ATP9B: variants seen among roughly 807,000 people sequenced by gnomAD.
ATP9B encodes the protein ATPase phospholipid transporting 9B.
Under a neutral mutation model 146.1 loss-of-function variants are expected in ATP9B, and 110 were observed. The observed-to-expected ratio is 0.75, with a 90% CI of 0.65 to 0.88. ATP9B has a LOEUF of 0.88. Among genes scored for constraint, ATP9B ranks in the 40% least tolerant of loss-of-function variants. ATP9B has a pLI of 0.00. For synonymous variants in ATP9B, 604 were observed against 569.7 expected (o/e 1.06, Z -0.86); for missense variants, 1,499 against 1,496.4 (o/e 1.00, Z -0.03).
intron 17 of ATP9B, among the ~76,000 whole-genome samples, chr18:79,334,790 C>T (rs549318970): frequency 1.9e-3 from 294 of 152,018 alleles, no homozygotes; most frequent in African/African-American, 6.6e-3. Context: ...CCCACCCCCC[C>T]CTTGTGCCGG....
chr18:79,140,199 A>G (rs2094496772), intron 5 of ATP9B, among the ~76,000 whole-genome samples: 1 of 152,286 alleles, frequency 6.6e-6, no homozygotes, highest in South Asian at 2.1e-4. Flanking sequence ...CCGGTGAGGT[A>G]GAGCAGGGGC....
chr18:79,327,765 T>C (rs62096807), intron 15 of ATP9B, among the ~76,000 whole-genome samples: 26,439 of 55,046 alleles, frequency 0.48, 8,208 homozygotes, highest in East Asian at 0.71. Flanking sequence ...GCGTGCTCTC[T>C]GTGGTTAACG....
At chr18:79,116,940 T>TAAAAAAAA (rs377608135) in intron 4 of ATP9B, among the ~76,000 whole-genome samples, 17 of 106,770 alleles carry the variant, frequency 1.6e-4, no homozygotes, top group East Asian at 3.3e-4. Context: ...AAAAAAAAAT[T>TAAAAAAAA]AAAAAAAAAA....
At chr18:79,222,613 A>T (rs1366153256) in intron 11 of ATP9B, among the ~76,000 whole-genome samples, 1 of 152,200 alleles carries the variant, frequency 6.6e-6, no homozygotes, top group African/African-American at 2.4e-5. Context: ...AAATCCTTCC[A>T]TTTTGTTAGA....
At chr18:79,327,506 C>CCCCATGGTTAGCGTGT (rs2096756126) in intron 15 of ATP9B, among the ~76,000 whole-genome samples, 2 of 135,174 alleles carry the variant, frequency 1.5e-5, no homozygotes, top group African/African-American at 3.0e-5. Flanking sequence ...TTAGTGTGCT[C>CCCCATGGTTAGCGTGT]TCTCCATGGT....
intron 9 of ATP9B, among the ~76,000 whole-genome samples, chr18:79,201,420 T>C (rs1394484628): frequency 1.3e-5 from 2 of 152,214 alleles, no homozygotes; most frequent in Admixed American, 1.3e-4. Flanking sequence ...AGACAAAATA[T>C]CTTTTGTGTC....
chr18:79,205,413 C>T (rs1451273218), intron 9 of ATP9B, among the ~76,000 whole-genome samples: 5 of 73,970 alleles, frequency 6.8e-5, no homozygotes, highest in Non-Finnish European at 8.2e-5. Flanking sequence ...GTTACATAAA[C>T]GTATTTTGTA....
chr18:79,356,743 G>C (rs1409829369), intron 25 of ATP9B, among the ~76,000 whole-genome samples: 1 of 149,522 alleles, frequency 6.7e-6, no homozygotes, highest in African/African-American at 2.4e-5. Context: ...TAGGGAGGAG[G>C]CAGCAGAGGG....
At chr18:79,337,676 CCT>C (rs2096835253) in intron 19 of ATP9B, among the ~76,000 whole-genome samples, 2 of 152,312 alleles carry the variant, frequency 1.3e-5, no homozygotes, top group Non-Finnish European at 2.9e-5. Context: ...ACACCTCTTC[CCT>C]CTCTGGATAC....
At chr18:79,112,281 T>C (rs376229990) in intron 3 of ATP9B, among the ~76,000 whole-genome samples, 13 of 152,228 alleles carry the variant, frequency 8.5e-5, no homozygotes, top group African/African-American at 2.4e-4. Context: ...GTTTGCAAGT[T>C]TGATTTAATT....
At chr18:79,246,364 A>ACT (rs2095962849) in intron 11 of ATP9B, among the ~76,000 whole-genome samples, 1 of 148,938 alleles carries the variant, frequency 6.7e-6, no homozygotes, top group African/African-American at 2.5e-5. Context: ...CGCCCTACTG[A>ACT]CTGAGGAGGG....
chr18:79,206,188 C>T (rs2095531860), intron 9 of ATP9B, among the ~76,000 whole-genome samples: 1 of 152,184 alleles, frequency 6.6e-6, no homozygotes, highest in South Asian at 2.1e-4. Flanking sequence ...GATCCACCCA[C>T]CTCGGCCTCC....
At chr18:79,143,421 A>C (rs1352578129) in intron 5 of ATP9B, among the ~76,000 whole-genome samples, 2 of 152,164 alleles carry the variant, frequency 1.3e-5, no homozygotes, top group Non-Finnish European at 2.9e-5. Flanking sequence ...AATTAATGCC[A>C]TTTATGATAT....
chr18:79,359,570 A>G (rs1417871866), intron 26 of ATP9B, 108 bp downstream of exon 26: 1 of 819,838 alleles, frequency 1.2e-6, no homozygotes, highest in Non-Finnish European at 2.0e-6. Flanking sequence ...ATTTTGTGAA[A>G]AACGATTCTC....
intron 12 of ATP9B, among the ~76,000 whole-genome samples, chr18:79,261,755 A>G (rs1314612152): frequency 6.6e-6 from 1 of 152,154 alleles, no homozygotes; most frequent in Non-Finnish European, 1.5e-5. Flanking sequence ...GCAGTGCTCC[A>G]TGGCTACTGT....
chr18:79,195,520 A>G (rs2095410049), intron 9 of ATP9B, among the ~76,000 whole-genome samples: 1 of 152,258 alleles, frequency 6.6e-6, no homozygotes, highest in East Asian at 1.9e-4. Context: ...AAGTAATTCT[A>G]TAACAGTGCA....
At chr18:79,323,575 C>A (rs2096727967) in intron 15 of ATP9B, among the ~76,000 whole-genome samples, 1 of 152,136 alleles carries the variant, frequency 6.6e-6, no homozygotes. Context: ...CTTTCTGTGC[C>A]CGGCTGATTT....
intron 26 of ATP9B, chr18:79,361,722 C>G (rs1347866024): frequency 1.0e-6 from 1 of 975,894 alleles, no homozygotes; most frequent in Non-Finnish European, 1.2e-6. Context: ...TTGAAGCTTT[C>G]TGTTCCTTCT....
In ATP9B at chr18:79,081,377, A is replaced by T. The variant is rs184028061; in HGVS notation, c.119+11848A>T. Among the ~76,000 whole-genome samples, 146 of 151,856 alleles carry T rather than the reference A, an allele frequency of 9.6e-4. 1 individual carries two copies. Among genetic ancestry groups the T allele is most frequent in the Admixed American group, 7.1e-3 (109 of 15,256 alleles). On this transcript the variant is annotated intron_variant, in intron 1 of 29. Coordinates refer to ENST00000426216, the MANE Select transcript of ATP9B (RefSeq NM_198531.5). ...GTATATGTGTCCAGGAATTTCTTCTAGGTTTTCTAGTTTATTTGCATAGAG... is the reference window on the plus strand; with the variant it reads ...GTATATGTGTCCAGGAATTTCTTCTTGGTTTTCTAGTTTATTTGCATAGAG...
Sources: gnomAD v4.1 joint callset for allele counts (sites outside exome capture counted in the v4.1 genomes callset) on GRCh38, gnomAD v4.1.1 for gene constraint, MANE v1.5 for transcripts, NCBI Gene and HGNC (gene_info 2026-07-23, HGNC 2026-07-21) for gene names.